Variants in H1-0 observed in about 807,000 individuals in gnomAD.
H1-0 encodes histone H1.0.
In H1-0, 5 loss-of-function variants were observed where a neutral mutation model predicts 8.8. That is an observed-to-expected ratio of 0.57 (90% confidence interval 0.30 to 1.19). The LOEUF is 1.19. Ranked by LOEUF, H1-0 falls within the 50% of genes most tolerant of loss-of-function variation. The pLI is 0.08. For missense variants in H1-0, 231 were observed against 242.0 expected (o/e 0.95, Z 0.30); for synonymous variants, 143 against 101.4 (o/e 1.41, Z -2.46).
In H1-0 at chr22:37,806,919, T is replaced by C. The variant is rs1406290985; in HGVS notation, c.*790T>C. ...GGGGAGTCAGCCAAGTGCCTCAGTG[T>C]GCCCTGTTGAAACTTAGGTTTTTCC... On this transcript the variant is annotated 3_prime_UTR_variant, in exon 1 of 1. Transcript: ENST00000340857. 6.0e-6 allele frequency: 1 copy of C among 167,050 alleles called. No individual in the cohort carries two copies. The highest frequency in any genetic ancestry group is 2.4e-5 in the African/African-American group (1 of 41,436). 10.3% of individuals were successfully genotyped at this position (167,050 alleles called of 1,614,324 possible). A position where few individuals can be genotyped will look rare whatever the true frequency, so the allele number is the denominator to read the frequency against.
chr22:37,805,911 G>T lies in H1-0; in HGVS notation c.367G>T (p.Ala123Ser), dbSNP rs1601687080. 4.3e-6 allele frequency: 7 copies of T among 1,614,026 alleles called. No homozygotes were observed. Among genetic ancestry groups the T allele is most frequent in the African/African-American group, 1.3e-5 (1 of 75,016 alleles). Reference protein sequence around the residue: ...EIKKVATPKKASKPKKAASKA... With the variant: ...EIKKVATPKKSSKPKKAASKA... The stretch of plus-strand genomic sequence containing the variant: ...CAAGAAGGTAGCCACGCCAAAGAAG[G>T]CATCCAAGCCCAAGAAGGCTGCCTC... Residue 123 changes from alanine (A) to serine (S), a missense_variant, in exon 1 of 1, where the codon GCA becomes TCA. Coordinates refer to ENST00000340857, the MANE Select transcript of H1-0 (RefSeq NM_005318.4).
Position 37,806,645 on chromosome 22 carries a change from C to A in H1-0, c.*516C>A. On this transcript the variant is annotated 3_prime_UTR_variant, in exon 1 of 1. Coordinates refer to ENST00000340857, the MANE Select transcript of H1-0 (RefSeq NM_005318.4). ...GGCAAAGGAAGGAGGGGGAAAAAAA[C>A]CGCCACCGGGCTGACTTCCACCTCC... 1 of 171,794 alleles carries A rather than the reference C, an allele frequency of 5.8e-6. No homozygotes were observed. The allele number at this position is 171,794 out of a possible 1,614,324, so 10.6% of individuals were successfully genotyped here. A position where few individuals can be genotyped will look rare whatever the true frequency, so the allele number is the denominator to read the frequency against.
In H1-0 at chr22:37,806,611, C is replaced by A; in HGVS notation, c.*482C>A. The A allele has an allele frequency of 5.8e-6, 1 of 172,448 alleles. No individual in the cohort carries two copies. The highest frequency in any genetic ancestry group is 1.9e-4 in the South Asian group (1 of 5,344). 10.7% of individuals were successfully genotyped at this position (172,448 alleles called of 1,614,324 possible). A position where few individuals can be genotyped will look rare whatever the true frequency, so the allele number is the denominator to read the frequency against. ...CCAGCAGGAGAGAGGTGGTAGGGAGCAGCCAGCCGGCAAAGGAAGGAGGGG... is the reference window on the plus strand; with the variant it reads ...CCAGCAGGAGAGAGGTGGTAGGGAGAAGCCAGCCGGCAAAGGAAGGAGGGG... On this transcript the variant is annotated 3_prime_UTR_variant, in exon 1 of 1. Transcript: ENST00000340857.
rs904305761 is a variant in H1-0, at chr22:37,805,347, C to G, written c.-198C>G. 7 of 546,930 alleles carry G rather than the reference C, an allele frequency of 1.3e-5. No homozygotes were observed. Among genetic ancestry groups the G allele is most frequent in the African/African-American group, 1.2e-4 (6 of 51,602 alleles). 33.9% of individuals were successfully genotyped at this position (546,930 alleles called of 1,614,324 possible). A position where few individuals can be genotyped will look rare whatever the true frequency, so the allele number is the denominator to read the frequency against. On this transcript the variant is annotated 5_prime_UTR_variant, in exon 1 of 1. Transcript: ENST00000340857. ...ACCGGCGGGGCTGGGCCTCGCAAAG[C>G]CGGCTCGGCGAGCTCTCCCGACACC...
rs974725866 is a variant in H1-0 at position 37,807,127 on chromosome 22, G to T, written c.*998G>T. On this transcript the variant is annotated 3_prime_UTR_variant, in exon 1 of 1. Coordinates refer to ENST00000340857, the MANE Select transcript of H1-0 (RefSeq NM_005318.4). ...CGGGAGGGGGAGGGGGAGTGGGCGG[G>T]CAGTGGATAGTAAGACTTACTGCAG... The T allele has an allele frequency of 1.8e-5, 3 of 166,962 alleles. No individual in the cohort carries two copies. Among genetic ancestry groups the T allele is most frequent in the Non-Finnish European group, 4.4e-5 (3 of 68,130 alleles). 10.3% of individuals were successfully genotyped at this position (166,962 alleles called of 1,614,324 possible). A position where few individuals can be genotyped will look rare whatever the true frequency, so the allele number is the denominator to read the frequency against.
rs1457944031 is a variant in H1-0, at chr22:37,806,288, T to C, written c.*159T>C. On this transcript the variant is annotated 3_prime_UTR_variant, in exon 1 of 1. Coordinates refer to ENST00000340857, the MANE Select transcript of H1-0 (RefSeq NM_005318.4). ...GGATTCTTCAGAAATTACAGAATAA[T>C]TCATTTTTCCTTAACCAGTTGTGCA... 1.7e-5 allele frequency: 11 copies of C among 640,314 alleles called. No homozygotes were observed. The highest frequency in any genetic ancestry group is 3.0e-5 in the Non-Finnish European group (11 of 364,368). 39.7% of individuals were successfully genotyped at this position (640,314 alleles called of 1,614,324 possible). A position where few individuals can be genotyped will look rare whatever the true frequency, so the allele number is the denominator to read the frequency against.
At position 37,806,306 on chromosome 22, in the gene H1-0, G is replaced by C. The variant is rs1920994675; in HGVS notation, c.*177G>C. ...AGAATAATTCATTTTTCCTTAACCA[G>C]TTGTGCAAGGACAGCAACAACCAAT... On this transcript the variant is annotated 3_prime_UTR_variant, in exon 1 of 1. Coordinates refer to ENST00000340857, the MANE Select transcript of H1-0 (RefSeq NM_005318.4). 4.8e-6 allele frequency: 3 copies of C among 620,046 alleles called. No homozygotes were observed. In the Admixed American group the frequency reaches 9.3e-5, roughly 19 times the overall value. 38.4% of individuals were successfully genotyped at this position (620,046 alleles called of 1,614,324 possible).
rs56665907 is a variant in H1-0, at chr22:37,807,331, T to TCCCCCCCCCCCCC, written c.*1211_*1212insCCCCCCCCCCCCC. ...AATAGAAAAATCGCGCACTTGCGCG[T>TCCCCCCCCCCCCC]CCCCCCCCCACCCCCTTTTTTAAAC... On this transcript the variant is annotated 3_prime_UTR_variant, in exon 1 of 1. Coordinates refer to ENST00000340857, the MANE Select transcript of H1-0 (RefSeq NM_005318.4). 2 of 151,430 alleles carry TCCCCCCCCCCCCC rather than the reference T, an allele frequency of 1.3e-5. No homozygotes were observed. The highest frequency in any genetic ancestry group is 1.6e-5 in the Non-Finnish European group (1 of 64,406). The allele number at this position is 151,430 out of a possible 1,614,324, so 9.4% of individuals were successfully genotyped here.
chr22:37,805,284 AG>A lies in H1-0; in HGVS notation c.-259del. On this transcript the variant is annotated 5_prime_UTR_variant, in exon 1 of 1. Coordinates refer to ENST00000340857, the MANE Select transcript of H1-0 (RefSeq NM_005318.4). ...GAGGCGGAGGCAGAGGCAGAGGCAG[AG>A]GCAGAGCCCGAGCCCGGTGCCGAGA... 5.6e-4 allele frequency: 1 copy of A among 1,784 alleles called. No homozygotes were observed. Among genetic ancestry groups the A allele is most frequent in the African/African-American group, 3.6e-3 (1 of 278 alleles). 0.1% of individuals were successfully genotyped at this position (1,784 alleles called of 1,614,324 possible).
rs2145905580 is a variant in H1-0, at chr22:37,806,492, G to C, written c.*363G>C. On this transcript the variant is annotated 3_prime_UTR_variant, in exon 1 of 1. Transcript: ENST00000340857. ...CAGTTTGTTCTGGCTAGATGAGAGG[G>C]AACCCAGGAATTGTGAGGTTAGCAG... The C allele has an allele frequency of 4.1e-6, 1 of 244,152 alleles. No individual in the cohort carries two copies. The highest frequency in any genetic ancestry group is 1.9e-3 in the Middle Eastern group (1 of 538). 15.1% of individuals were successfully genotyped at this position (244,152 alleles called of 1,614,324 possible). A position where few individuals can be genotyped will look rare whatever the true frequency, so the allele number is the denominator to read the frequency against.
Position 37,805,643 on chromosome 22 carries a change from G to C in H1-0, c.99G>C (p.Val33=). 4 of 1,614,152 alleles carry C rather than the reference G, an allele frequency of 2.5e-6. No individual in the cohort carries two copies. Among genetic ancestry groups the C allele is most frequent in the Non-Finnish European group, 3.4e-6 (4 of 1,180,002 alleles). The change falls in exon 1 of 1, where the codon GTG becomes GTC. Residue 33 remains valine, a synonymous_variant. Transcript: ENST00000340857. ...TDHPKYSDMI[V]AAIQAEKNRA... ...ACCCCAAGTATTCAGACATGATCGT[G>C]GCTGCCATCCAGGCCGAGAAGAACC...
At position 37,806,188 on chromosome 22, in the gene H1-0, TCTC is replaced by T. The variant is rs1347155849; in HGVS notation, c.*62_*64del. On this transcript the variant is annotated 3_prime_UTR_variant, in exon 1 of 1. Coordinates refer to ENST00000340857, the MANE Select transcript of H1-0 (RefSeq NM_005318.4). ...GTCTCCTATTTTCTGTAAATAATTT[TCTC>T]CTTTTTTCTCTCTTGATGCTCACCA... 3.3e-5 allele frequency: 44 copies of T among 1,315,088 alleles called. No homozygotes were observed. In the East Asian group the frequency reaches 1.1e-3, roughly 32 times the overall value. 81.5% of individuals were successfully genotyped at this position (1,315,088 alleles called of 1,614,324 possible). A position where few individuals can be genotyped will look rare whatever the true frequency, so the allele number is the denominator to read the frequency against.
At position 37,805,416 on chromosome 22, in the gene H1-0, G is replaced by A. The variant is rs1920976921; in HGVS notation, c.-129G>A. 1 of 642,696 alleles carries A rather than the reference G, an allele frequency of 1.6e-6. No homozygotes were observed. The highest frequency in any genetic ancestry group is 2.7e-6 in the Non-Finnish European group (1 of 376,976). The allele number at this position is 642,696 out of a possible 1,614,324, so 39.8% of individuals were successfully genotyped here. A position where few individuals can be genotyped will look rare whatever the true frequency, so the allele number is the denominator to read the frequency against. On this transcript the variant is annotated 5_prime_UTR_variant, in exon 1 of 1. Coordinates refer to ENST00000340857, the MANE Select transcript of H1-0 (RefSeq NM_005318.4). ...CAGCGACTCCTCGCTCGCATCCCCG[G>A]GAGCCGCACTCCAGACTGGCCCGGT...
In H1-0 at chr22:37,806,130, C is replaced by T; in HGVS notation, c.*1C>T. On this transcript the variant is annotated 3_prime_UTR_variant, in exon 1 of 1. Coordinates refer to ENST00000340857, the MANE Select transcript of H1-0 (RefSeq NM_005318.4). ...CAAGAGGGCCGGCAAGAAGAAGTGA[C>T]AATGAAGTCTTTTCTTGCGGACACT... is the stretch of plus-strand genomic sequence containing the variant. The T allele has an allele frequency of 6.3e-7, 1 of 1,598,868 alleles. No homozygotes were observed. The highest frequency in any genetic ancestry group is 1.1e-5 in the South Asian group (1 of 88,874).
At position 37,805,603 on chromosome 22, in the gene H1-0, A is replaced by G. The variant is rs771192440; in HGVS notation, c.59A>G (p.Lys20Arg). ...AAKPKRAKAS[K>R]KSTDHPKYSD... Reference sequence around the variant, plus strand: ...AAGCCCAAGCGGGCCAAGGCCTCCAAGAAGTCCACAGACCACCCCAAGTAT... The same window carrying G: ...AAGCCCAAGCGGGCCAAGGCCTCCAGGAAGTCCACAGACCACCCCAAGTAT... Residue 20 changes from lysine (K) to arginine (R), a missense_variant, in exon 1 of 1, where the codon AAG (lysine) becomes AGG (arginine). Transcript: ENST00000340857. 3.7e-6 allele frequency: 6 copies of G among 1,614,042 alleles called. No individual in the cohort carries two copies. The highest frequency in any genetic ancestry group is 2.2e-5 in the East Asian group (1 of 44,888).
rs1331491072 is a variant in H1-0 at position 37,806,870 on chromosome 22, G to C, written c.*741G>C. On this transcript the variant is annotated 3_prime_UTR_variant, in exon 1 of 1. Transcript: ENST00000340857. ...TTCAGCAAATTCTCTTGTTAAACCG[G>C]AGTGAAAACTTCAGGGGAAGGGTGG... The C allele has an allele frequency of 6.0e-6, 1 of 167,054 alleles. No homozygotes were observed. Among genetic ancestry groups the C allele is most frequent in the Non-Finnish European group, 1.5e-5 (1 of 68,116 alleles). 10.3% of individuals were successfully genotyped at this position (167,054 alleles called of 1,614,324 possible). A position where few individuals can be genotyped will look rare whatever the true frequency, so the allele number is the denominator to read the frequency against.
rs369827028 is a variant in H1-0 at position 37,806,149 on chromosome 22, G to A, written c.*20G>A. ...AAGTGACAATGAAGTCTTTTCTTGCGGACACTCCCTCCTGTCTCCTATTTT... is the reference window on the plus strand; with the variant it reads ...AAGTGACAATGAAGTCTTTTCTTGCAGACACTCCCTCCTGTCTCCTATTTT... On this transcript the variant is annotated 3_prime_UTR_variant, in exon 1 of 1. Coordinates refer to ENST00000340857, the MANE Select transcript of H1-0 (RefSeq NM_005318.4). The A allele has an allele frequency of 3.2e-5, 49 of 1,555,516 alleles. No individual in the cohort carries two copies. In the East Asian group the frequency reaches 7.8e-4, roughly 25 times the overall value.
rs963301822 is a variant in H1-0 at position 37,805,280 on chromosome 22, G to A, written c.-265G>A. The A allele has an allele frequency of 7.7e-5, 27 of 350,386 alleles. No homozygotes were observed. Among genetic ancestry groups the A allele is most frequent in the Non-Finnish European group, 1.0e-4 (22 of 211,772 alleles). 21.7% of individuals were successfully genotyped at this position (350,386 alleles called of 1,614,324 possible). A position where few individuals can be genotyped will look rare whatever the true frequency, so the allele number is the denominator to read the frequency against. Reference sequence around the variant, plus strand: ...AGAGGAGGCGGAGGCAGAGGCAGAGGCAGAGGCAGAGCCCGAGCCCGGTGC... The same window carrying A: ...AGAGGAGGCGGAGGCAGAGGCAGAGACAGAGGCAGAGCCCGAGCCCGGTGC... On this transcript the variant is annotated 5_prime_UTR_variant, in exon 1 of 1. Transcript: ENST00000340857.
chr22:37,806,229 C>T lies in H1-0; in HGVS notation c.*100C>T. The T allele has an allele frequency of 1.2e-6, 1 of 857,522 alleles. No homozygotes were observed. Among genetic ancestry groups the T allele is most frequent in the Non-Finnish European group, 1.8e-6 (1 of 555,450 alleles). The allele number at this position is 857,522 out of a possible 1,614,324, so 53.1% of individuals were successfully genotyped here. On this transcript the variant is annotated 3_prime_UTR_variant, in exon 1 of 1. Transcript: ENST00000340857. ...TTGATGCTCACCACCACCTTTTGCC[C>T]CCTTCTGTTCTGACTTTATAAGAGA...
Sources: gnomAD v4.1 joint callset for allele counts on GRCh38, gnomAD v4.1.1 for gene constraint, MANE v1.5 for transcripts, NCBI Gene and HGNC (gene_info 2026-07-23, HGNC 2026-07-21) for gene names.